SEC24A: variants seen among roughly 807,000 people sequenced by gnomAD.
The protein encoded by SEC24A is SEC24 homolog A, COPII component, also known as protein transport protein Sec24A.
In SEC24A, 93 loss-of-function variants were observed where a neutral mutation model predicts 129.4. The ratio of observed to expected loss-of-function variants is 0.72; its 90% CI spans 0.61 to 0.85. SEC24A has a LOEUF of 0.85. Ranked by LOEUF, SEC24A falls within the 40% of genes least tolerant of loss-of-function variation. The pLI is 0.00. For missense variants in SEC24A, 1,264 were observed against 1,307.4 expected, an observed-to-expected ratio of 0.97 and a Z score of 0.51; for synonymous variants, 460 against 467.3, an observed-to-expected ratio of 0.98 and a Z score of 0.20.
intron 7 of SEC24A, among the ~76,000 whole-genome samples, chr5:134,679,111 C>T (rs2150085704): frequency 6.6e-6 from 1 of 152,158 alleles, no homozygotes; most frequent in East Asian, 1.9e-4. Context: ...GAGACTGGGT[C>T]TTGCTCTGTT....
At chr5:134,666,781 TTG>T in intron 2 of SEC24A, 40 bp from the exon 3 acceptor site, 1 of 1,583,750 alleles carries the variant, frequency 6.3e-7, no homozygotes, top group Non-Finnish European at 8.7e-7. Flanking sequence ...GGCCATAGTC[TTG>T]AGTTCTCAAG....
chr5:134,694,613 C>T (rs1389357530), intron 13 of SEC24A, among the ~76,000 whole-genome samples: 1 of 151,062 alleles, frequency 6.6e-6, no homozygotes, highest in Non-Finnish European at 1.5e-5. Flanking sequence ...CGGCACTGCA[C>T]TCCAGCACTC....
At chr5:134,654,936 C>T (rs1450768949) in intron 1 of SEC24A, among the ~76,000 whole-genome samples, 5 of 151,902 alleles carry the variant, frequency 3.3e-5, no homozygotes, top group East Asian at 1.9e-4. Context: ...AGGCTGGTCT[C>T]GAACTCCTGA....
At chr5:134,685,953 C>T (rs1751436011) in intron 9 of SEC24A, among the ~76,000 whole-genome samples, 1 of 151,854 alleles carries the variant, frequency 6.6e-6, no homozygotes, top group Non-Finnish European at 1.5e-5. Flanking sequence ...CACACCACTG[C>T]TCTCCAGCAT....
intron 3 of SEC24A, 140 bp downstream of exon 3, chr5:134,667,136 A>C (rs1750688725): frequency 1.6e-6 from 1 of 642,594 alleles, no homozygotes; most frequent in Admixed American, 3.8e-5. Flanking sequence ...ACAGGAATTT[A>C]CAATTTAAAG....
At chr5:134,656,105 C>G (rs1750234410) in intron 1 of SEC24A, among the ~76,000 whole-genome samples, 1 of 134,602 alleles carries the variant, frequency 7.4e-6, no homozygotes, top group Non-Finnish European at 1.6e-5. Flanking sequence ...TTTTTTAAGA[C>G]AGAGTCTTGC....
At chr5:134,705,090 A>ATATATATATTT (rs1180461537) in intron 16 of SEC24A, among the ~76,000 whole-genome samples, 6 of 123,304 alleles carry the variant, frequency 4.9e-5, no homozygotes, top group Admixed American at 8.5e-5. Context: ...ATATATATAT[A>ATATATATATTT]TTTTTTTTTT....
At chr5:134,699,804 A>T (rs1438710722) in intron 15 of SEC24A, among the ~76,000 whole-genome samples, 1 of 150,656 alleles carries the variant, frequency 6.6e-6, no homozygotes, top group East Asian at 2.0e-4. Flanking sequence ...GGTTCAAGCA[A>T]TTCTGCCTGC....
At position 134,661,504 on chromosome 5, in the gene SEC24A, A is replaced by G. The variant is rs1360544647; in HGVS notation, c.483A>G (p.Val161=). 1 of 1,614,180 alleles carries G rather than the reference A, an allele frequency of 6.2e-7. No individual in the cohort carries two copies. The change falls in exon 2 of 23, where the codon GTA becomes GTG. Residue 161 remains valine, a synonymous_variant. Coordinates refer to ENST00000398844, the MANE Select transcript of SEC24A (RefSeq NM_021982.3). ...CTCGTGCATCATCCCAACCAACTGT[A>G]TCTGGAAATACAAGTTTAACCACAA... ...HCPRASSQPT[V]SGNTSLTTNH...
At chr5:134,678,752 T>C (rs541823942) in intron 7 of SEC24A, among the ~76,000 whole-genome samples, 22 of 152,274 alleles carry the variant, frequency 1.4e-4, no homozygotes, top group African/African-American at 5.3e-4. Context: ...TAGCTAATTT[T>C]TGTATTTTTA....
At chr5:134,654,441 C>T (rs764050261) in intron 1 of SEC24A, among the ~76,000 whole-genome samples, 2 of 152,024 alleles carry the variant, frequency 1.3e-5, no homozygotes, top group African/African-American at 4.8e-5. Context: ...AGGGTGGTCT[C>T]AATTTCCTGA....
intron 8 of SEC24A, among the ~76,000 whole-genome samples, chr5:134,680,793 A>G (rs982116646): frequency 1.3e-5 from 2 of 152,054 alleles, no homozygotes; most frequent in African/African-American, 4.8e-5. Context: ...GCCCTGGCCA[A>G]GAGTTTTTAA....
intron 2 of SEC24A, among the ~76,000 whole-genome samples, chr5:134,662,220 T>C (rs945151200): frequency 1.3e-5 from 2 of 152,070 alleles, no homozygotes; most frequent in African/African-American, 4.8e-5. Context: ...AGTGGCGTGA[T>C]CTTGGCTCAC....
At chr5:134,723,710 G>A in intron 22 of SEC24A, 40 bp downstream of exon 22, 1 of 1,271,896 alleles carries the variant, frequency 7.9e-7, no homozygotes, top group Non-Finnish European at 1.1e-6. Flanking sequence ...AAAACAATTT[G>A]TTTGGCCTTG....
rs185645037 is a variant in SEC24A, at chr5:134,677,929, G to C, written c.1255-1673G>C. ...CACTGGCTCTCAGTTAAGTTGATCA[G>C]TGTTCACCTGTCTCAGGGTTTCTGG... On this transcript the variant is annotated intron_variant, in intron 7 of 22. Transcript: ENST00000398844. Among the ~76,000 whole-genome samples, 427 of 152,120 alleles carry C rather than the reference G, an allele frequency of 2.8e-3. 1 individual carries two copies. The highest frequency in any genetic ancestry group is 4.7e-3 in the Non-Finnish European group (321 of 68,008).
At chr5:134,714,027 G>C (rs1752407793) in intron 18 of SEC24A, among the ~76,000 whole-genome samples, 1 of 151,526 alleles carries the variant, frequency 6.6e-6, no homozygotes, top group African/African-American at 2.4e-5. Context: ...TGGCGACAGA[G>C]GGAGGCTCCG....
intron 12 of SEC24A, chr5:134,692,933 G>T: frequency 1.1e-6 from 1 of 948,260 alleles, no homozygotes; most frequent in South Asian, 1.4e-5. Flanking sequence ...TCAGCCATTT[G>T]GGAAGTTGGG....
In SEC24A at chr5:134,718,466, G is replaced by C. The variant is rs970401998; in HGVS notation, c.2970+293G>C. ...ATTTTTTAAAAAGTTAACCTTAGGC[G>C]GGTCCTTGAGGAGGTATTCTAAAAG... On this transcript the variant is annotated intron_variant, in intron 20 of 22. Transcript: ENST00000398844. Among the ~76,000 whole-genome samples, 9 of 151,924 alleles carry C rather than the reference G, an allele frequency of 5.9e-5. No individual in the cohort carries two copies. The East Asian group carries it at 1.7e-3, about 29-fold the overall frequency.
At chr5:134,688,390 T>C (rs747114383) in intron 11 of SEC24A, 91 bp downstream of exon 11, 21 of 768,926 alleles carry the variant, frequency 2.7e-5, no homozygotes, top group African/African-American at 5.3e-5. Flanking sequence ...GTTTGTAGTA[T>C]GTCAAGGAAA....
Sources: allele counts gnomAD v4.1 joint callset (sites outside exome capture counted in the v4.1 genomes callset), GRCh38; gene constraint gnomAD v4.1.1; transcripts MANE v1.5; gene names NCBI Gene and HGNC (gene_info 2026-07-23, HGNC 2026-07-21).